Variants in ARHGAP31 observed in about 807,000 individuals in gnomAD.
ARHGAP31 encodes Rho GTPase activating protein 31.
In ARHGAP31, 34 loss-of-function variants were observed where a neutral mutation model predicts 113.9. That is an observed-to-expected ratio of 0.30 (90% CI 0.23 to 0.40). ARHGAP31 has a LOEUF of 0.40. Ranked by LOEUF, ARHGAP31 falls within the 10% of genes least tolerant of loss-of-function variation. The probability of loss-of-function intolerance (pLI) is 1.00; values close to 1 mark genes in which losing one functional copy is unlikely to be tolerated. For synonymous variants in ARHGAP31, 650 were observed against 684.8 expected (o/e 0.95, Z 0.79); for missense variants, 1,548 against 1,767.1 (o/e 0.88, Z 2.22).
intron 1 of ARHGAP31, among the ~76,000 whole-genome samples, chr3:119,342,220 C>A (rs541924205): frequency 2.6e-5 from 4 of 152,148 alleles, no homozygotes; most frequent in African/African-American, 9.6e-5. Flanking sequence ...ATAACCTAGG[C>A]CCCCCGATGA....
At chr3:119,298,064 A>T (rs2079549016) in intron 1 of ARHGAP31, among the ~76,000 whole-genome samples, 1 of 151,934 alleles carries the variant, frequency 6.6e-6, no homozygotes, top group South Asian at 2.1e-4. Context: ...CCCTTCTTTG[A>T]CCACTTTTCT....
chr3:119,343,029 A>G (rs1454373923), intron 1 of ARHGAP31, among the ~76,000 whole-genome samples: 1 of 152,244 alleles, frequency 6.6e-6, no homozygotes, highest in Non-Finnish European at 1.5e-5. Context: ...ATCACAAATT[A>G]TAATTTGATG....
In ARHGAP31 at chr3:119,383,136, G is replaced by C. The variant is rs1307489774; in HGVS notation, c.592G>C (p.Val198Leu). The C allele has an allele frequency of 1.2e-6, 2 of 1,614,220 alleles. No homozygotes were observed. Among genetic ancestry groups the C allele is most frequent in the Admixed American group, 3.3e-5 (2 of 60,028 alleles). The change falls in exon 6 of 12, where the codon GTC (valine) becomes CTC (leucine). Residue 198 changes from valine (V) to leucine (L), a missense_variant. Coordinates refer to ENST00000264245, the MANE Select transcript of ARHGAP31 (RefSeq NM_020754.4). The part of the protein sequence containing the change: ...GCNGDAAFLA[V>L]RVQQVVIEFI... ...CAATGGAGATGCAGCCTTCCTTGCA[G>C]TCCGGGTCCAGCAGGTGGTGATTGA...
intron 1 of ARHGAP31, among the ~76,000 whole-genome samples, chr3:119,351,123 G>T (rs1488071360): frequency 6.6e-6 from 1 of 152,200 alleles, no homozygotes; most frequent in Non-Finnish European, 1.5e-5. Flanking sequence ...ACTGGTTCAT[G>T]TTGCTGTAAC....
At chr3:119,299,270 A>ATT (rs2079560193) in intron 1 of ARHGAP31, among the ~76,000 whole-genome samples, 1 of 152,196 alleles carries the variant, frequency 6.6e-6, no homozygotes. Flanking sequence ...CAGATTACAG[A>ATT]CCATTTTCCC....
intron 1 of ARHGAP31, among the ~76,000 whole-genome samples, chr3:119,302,777 A>G (rs1202799628): frequency 6.6e-6 from 1 of 152,230 alleles, no homozygotes; most frequent in African/African-American, 2.4e-5. Context: ...AGGATAGCAT[A>G]TTTCATAATT....
chr3:119,295,276 GGC>G (rs1313056136), intron 1 of ARHGAP31, among the ~76,000 whole-genome samples: 1 of 151,894 alleles, frequency 6.6e-6, no homozygotes, highest in Non-Finnish European at 1.5e-5. Flanking sequence ...AAGTTTACCG[GGC>G]CACCTCAGGG....
intron 2 of ARHGAP31, among the ~76,000 whole-genome samples, chr3:119,366,324 T>G (rs2080251891): frequency 6.6e-6 from 1 of 152,184 alleles, no homozygotes; most frequent in African/African-American, 2.4e-5. Context: ...ATTTAATAAG[T>G]TGTGCAGGTA....
intron 1 of ARHGAP31, among the ~76,000 whole-genome samples, chr3:119,327,156 C>G (rs1423663063): frequency 1.3e-5 from 2 of 150,860 alleles, no homozygotes; most frequent in African/African-American, 4.9e-5. Flanking sequence ...AGAAGCAAAA[C>G]CAAAAACCAC....
At chr3:119,308,786 C>T (rs1364315954) in intron 1 of ARHGAP31, among the ~76,000 whole-genome samples, 1 of 152,208 alleles carries the variant, frequency 6.6e-6, no homozygotes, top group East Asian at 1.9e-4. Context: ...TTGCCCATAC[C>T]TGATGACCTC....
At chr3:119,404,643 C>A (rs1182922133) in intron 10 of ARHGAP31, among the ~76,000 whole-genome samples, 1 of 152,194 alleles carries the variant, frequency 6.6e-6, no homozygotes, top group East Asian at 1.9e-4. Context: ...TCCAGGTTAC[C>A]CAATTAAACT....
intron 1 of ARHGAP31, among the ~76,000 whole-genome samples, chr3:119,342,671 C>T (rs764742113): frequency 2.6e-5 from 4 of 152,182 alleles, no homozygotes; most frequent in Non-Finnish European, 5.9e-5. Flanking sequence ...AAATACAGGC[C>T]GGGTGCAGTG....
intron 1 of ARHGAP31, among the ~76,000 whole-genome samples, chr3:119,344,232 T>A (rs2080035118): frequency 6.6e-6 from 1 of 152,246 alleles, no homozygotes; most frequent in South Asian, 2.1e-4. Flanking sequence ...AAATTCAAAT[T>A]TAACTGGATG....
At chr3:119,311,832 T>C (rs78931220) in intron 1 of ARHGAP31, among the ~76,000 whole-genome samples, 10,561 of 152,154 alleles carry the variant, frequency 0.069, 522 homozygotes, top group Admixed American at 0.16. Context: ...CAAACCACAA[T>C]AGGAAGTAGA....
intron 1 of ARHGAP31, among the ~76,000 whole-genome samples, chr3:119,330,365 C>T: frequency 6.6e-6 from 1 of 152,172 alleles, no homozygotes. Context: ...TCTTGTATTC[C>T]ATACCAACAG....
intron 1 of ARHGAP31, among the ~76,000 whole-genome samples, chr3:119,327,561 A>G (rs1229252342): frequency 2.0e-5 from 3 of 152,156 alleles, no homozygotes; most frequent in African/African-American, 4.8e-5. Flanking sequence ...ATAAATAAAT[A>G]AAGTAAAATA....
intron 1 of ARHGAP31, among the ~76,000 whole-genome samples, chr3:119,324,271 C>T (rs568255004): frequency 2.0e-5 from 3 of 152,258 alleles, no homozygotes; most frequent in East Asian, 3.9e-4. Flanking sequence ...GGCTCACAAC[C>T]GCAGACCCAT....
intron 1 of ARHGAP31, among the ~76,000 whole-genome samples, chr3:119,299,914 T>G (rs759608338): frequency 4.6e-5 from 7 of 152,244 alleles, no homozygotes; most frequent in African/African-American, 9.6e-5. Context: ...AGGGGTTTTT[T>G]CTTTGGCTTA....
intron 7 of ARHGAP31, 81 bp from the exon 8 acceptor site, chr3:119,393,386 C>G: frequency 1.3e-6 from 2 of 1,543,188 alleles, no homozygotes; most frequent in Non-Finnish European, 1.8e-6. Context: ...GAGGACATAA[C>G]TGGAATATTT....
Sources: allele counts gnomAD v4.1 joint callset (sites outside exome capture counted in the v4.1 genomes callset), GRCh38; gene constraint gnomAD v4.1.1; transcripts MANE v1.5; gene names NCBI Gene and HGNC (gene_info 2026-07-23, HGNC 2026-07-21).